Variants in CBLB observed in about 807,000 individuals in gnomAD.
CBLB encodes Cbl proto-oncogene B, also known as E3 ubiquitin-protein ligase CBL-B.
In CBLB, 31 loss-of-function variants were observed where a neutral mutation model predicts 104.9. The observed-to-expected ratio is 0.30, with a 90% CI of 0.22 to 0.40. The LOEUF (loss-of-function observed/expected upper bound fraction) is 0.40. Ranked by LOEUF, CBLB falls within the 10% of genes least tolerant of loss-of-function variation. CBLB has a pLI of 1.00. For missense variants in CBLB, 1,062 were observed against 1,214.6 expected (o/e 0.87, Z 1.87); for synonymous variants, 440 against 422.6 (o/e 1.04, Z -0.51).
intron 10 of CBLB, among the ~76,000 whole-genome samples, chr3:105,719,453 C>T (rs1273967664): frequency 3.3e-5 from 5 of 152,152 alleles, no homozygotes; most frequent in Non-Finnish European, 7.3e-5. Context: ...CGGTAATGGA[C>T]CACATACATC....
At chr3:105,840,144 T>A (rs1008885007) in intron 3 of CBLB, among the ~76,000 whole-genome samples, 2 of 152,162 alleles carry the variant, frequency 1.3e-5, no homozygotes, top group Admixed American at 6.5e-5. Flanking sequence ...ATCTGTAAAA[T>A]GAGCTGAGAT....
At chr3:105,735,083 T>C (rs1432680065) in intron 8 of CBLB, among the ~76,000 whole-genome samples, 1 of 152,200 alleles carries the variant, frequency 6.6e-6, no homozygotes, top group African/African-American at 2.4e-5. Flanking sequence ...AGTAAGTGAC[T>C]ACAATGTGCC....
chr3:105,672,821 C>T (rs1444214363), intron 17 of CBLB: 1 of 151,724 alleles, frequency 6.6e-6, no homozygotes, highest in Non-Finnish European at 1.5e-5. Context: ...TGGTTTGCTA[C>T]TTAAAAAAGA....
intron 3 of CBLB, among the ~76,000 whole-genome samples, chr3:105,808,039 G>C (rs2083752985): frequency 6.6e-6 from 1 of 152,136 alleles, no homozygotes; most frequent in African/African-American, 2.4e-5. Flanking sequence ...TAAGTTCACA[G>C]AACTTTTCCT....
At chr3:105,692,678 A>G (rs906886212) in intron 13 of CBLB, among the ~76,000 whole-genome samples, 2 of 152,024 alleles carry the variant, frequency 1.3e-5, no homozygotes, top group Non-Finnish European at 2.9e-5. Flanking sequence ...AATTTAATGG[A>G]AAAAGGGAAA....
At chr3:105,756,233 C>T (rs2077070331) in intron 4 of CBLB, among the ~76,000 whole-genome samples, 1 of 151,876 alleles carries the variant, frequency 6.6e-6, no homozygotes, top group Non-Finnish European at 1.5e-5. Context: ...GTAGAAAATA[C>T]AAAAATTTTA....
chr3:105,809,501 T>C (rs899160409), intron 3 of CBLB, among the ~76,000 whole-genome samples: 1 of 152,236 alleles, frequency 6.6e-6, no homozygotes, highest in Non-Finnish European at 1.5e-5. Flanking sequence ...TTGAGACTTA[T>C]TTTTTAAACA....
In CBLB at chr3:105,755,490, G is replaced by A. The variant is rs188925641; in HGVS notation, c.567-3872C>T. ...AAGAATGGAAAATAGAAAGTGTGAGGAGAATGATTTCTTTTAAAAAAAAAA... is the reference window on the plus strand; with the variant it reads ...AAGAATGGAAAATAGAAAGTGTGAGAAGAATGATTTCTTTTAAAAAAAAAA... On this transcript the variant is annotated intron_variant, in intron 4 of 18. Transcript: ENST00000394030. Among the ~76,000 whole-genome samples the A allele has an allele frequency of 6.5e-3, 737 of 113,902 alleles. 3 individuals are homozygous for A. The highest frequency in any genetic ancestry group is 0.012 in the Middle Eastern group (3 of 258). 74.7% of individuals were successfully genotyped at this position (113,902 alleles called of 152,430 possible). A position where few individuals can be genotyped will look rare whatever the true frequency, so the allele number is the denominator to read the frequency against.
rs187066607 is a variant in CBLB, at chr3:105,815,773, T to C, written c.419+37641A>G. 2.2e-4 allele frequency among the ~76,000 whole-genome samples: 34 copies of C among 152,308 alleles called. No homozygotes were observed. In the East Asian group the frequency reaches 4.2e-3, roughly 19 times the overall value. Reference sequence around the variant, plus strand: ...ATGTTTATTGCAGCACTATTCACAATGGCAAAGACTTGGAACCAACCCAAA... The same window carrying C: ...ATGTTTATTGCAGCACTATTCACAACGGCAAAGACTTGGAACCAACCCAAA... On this transcript the variant is annotated intron_variant, in intron 3 of 18. Coordinates refer to ENST00000394030, the MANE Select transcript of CBLB (RefSeq NM_170662.5).
chr3:105,664,007 C>A (rs2064098286), intron 18 of CBLB, among the ~76,000 whole-genome samples: 1 of 150,796 alleles, frequency 6.6e-6, no homozygotes. Flanking sequence ...ATTTAAAGAA[C>A]TGAGGATATT....
chr3:105,826,059 A>G (rs1160586450), intron 3 of CBLB, among the ~76,000 whole-genome samples: 3 of 152,196 alleles, frequency 2.0e-5, no homozygotes, highest in Admixed American at 6.5e-5. Flanking sequence ...TTTAACGTCA[A>G]GCACACTGGA....
At chr3:105,799,773 C>T (rs1469119817) in intron 3 of CBLB, among the ~76,000 whole-genome samples, 1 of 152,022 alleles carries the variant, frequency 6.6e-6, no homozygotes, top group African/African-American at 2.4e-5. Context: ...AAGAAAATTT[C>T]AGTTGGGTTA....
intron 10 of CBLB, among the ~76,000 whole-genome samples, chr3:105,714,058 C>T (rs1349681998): frequency 2.0e-5 from 3 of 152,248 alleles, no homozygotes; most frequent in South Asian, 2.1e-4. Context: ...TTGTATTTCA[C>T]TTCTGTTGTA....
At chr3:105,700,004 T>A (rs568313761) in intron 12 of CBLB, among the ~76,000 whole-genome samples, 8 of 152,260 alleles carry the variant, frequency 5.3e-5, no homozygotes, top group Admixed American at 1.3e-4. Context: ...AATATTAAAG[T>A]TCAGCTTTCA....
chr3:105,691,295 T>G (rs1367749798), intron 13 of CBLB, among the ~76,000 whole-genome samples: 1 of 152,250 alleles, frequency 6.6e-6, no homozygotes, highest in Non-Finnish European at 1.5e-5. Flanking sequence ...AAGCATGCAC[T>G]GTTAAAATAT....
intron 5 of CBLB, among the ~76,000 whole-genome samples, chr3:105,748,663 GGAA>G (rs765354124): frequency 3.0e-4 from 46 of 152,308 alleles, no homozygotes; most frequent in Non-Finnish European, 2.4e-4. Context: ...AAGGAAAGAA[GGAA>G]GAAGAGGAAA....
chr3:105,702,582 C>A, intron 11 of CBLB, 123 bp from the exon 12 acceptor site: 1 of 1,018,794 alleles, frequency 9.8e-7, no homozygotes, highest in Middle Eastern at 3.2e-4. Context: ...AGGAGTTTTA[C>A]TAGATTCCTG....
At chr3:105,860,260 C>T (rs188163011) in intron 2 of CBLB, among the ~76,000 whole-genome samples, 7 of 152,128 alleles carry the variant, frequency 4.6e-5, no homozygotes, top group Admixed American at 1.3e-4. Context: ...AAGGTAAGGA[C>T]GAACCTCTCA....
chr3:105,666,088 A>C (rs540838111), intron 18 of CBLB, among the ~76,000 whole-genome samples: 2 of 152,096 alleles, frequency 1.3e-5, no homozygotes, highest in Non-Finnish European at 2.9e-5. Flanking sequence ...ACTATAGTAA[A>C]TGCTTAACAA....
Sources: allele counts gnomAD v4.1 joint callset (sites outside exome capture counted in the v4.1 genomes callset), GRCh38; gene constraint gnomAD v4.1.1; transcripts MANE v1.5; gene names NCBI Gene and HGNC (gene_info 2026-07-23, HGNC 2026-07-21).